TAF1B: variants seen among roughly 807,000 people sequenced by gnomAD.
TAF1B encodes the protein TATA box-binding protein-associated factor RNA polymerase I subunit B.
A neutral mutation model predicts 83.9 loss-of-function variants in TAF1B; 61 were observed. The observed-to-expected ratio is 0.73, with a 90% CI of 0.59 to 0.90. The LOEUF (loss-of-function observed/expected upper bound fraction) is 0.90, where lower values mean the gene tolerates loss of function less well. Ranked by LOEUF, TAF1B falls within the 40% of genes least tolerant of loss-of-function variation. The pLI, the probability that TAF1B is intolerant of heterozygous loss-of-function variation, is 0.00. For missense variants in TAF1B, 625 were observed against 677.0 expected, an observed-to-expected ratio of 0.92 and a Z score of 0.85; for synonymous variants, 221 against 224.6, an observed-to-expected ratio of 0.98 and a Z score of 0.14.
At chr2:9,855,014 G>C (rs545811646) in intron 5 of TAF1B, among the ~76,000 whole-genome samples, 1 of 151,832 alleles carries the variant, frequency 6.6e-6, no homozygotes, top group Admixed American at 6.6e-5. Flanking sequence ...TTTTTTTTGA[G>C]ACGGAGTTTC....
intron 7 of TAF1B, among the ~76,000 whole-genome samples, chr2:9,880,201 T>G (rs565706129): frequency 1.3e-5 from 2 of 152,250 alleles, no homozygotes; most frequent in Admixed American, 6.5e-5. Context: ...AAGGATGAGT[T>G]TACTAAATTT....
intron 8 of TAF1B, among the ~76,000 whole-genome samples, chr2:9,893,234 CCTAT>C (rs567927797): frequency 1.9e-3 from 288 of 152,236 alleles, no homozygotes; most frequent in Non-Finnish European, 2.4e-3. Context: ...TGCCATTTTT[CCTAT>C]CTGTCTACCT....
At chr2:9,889,319 A>C (rs116046092) in intron 8 of TAF1B, among the ~76,000 whole-genome samples, 178 of 151,650 alleles carry the variant, frequency 1.2e-3, no homozygotes, top group African/African-American at 3.9e-3. Context: ...TTGTTTTGAT[A>C]ATTTCTATTG....
intron 5 of TAF1B, among the ~76,000 whole-genome samples, chr2:9,866,104 A>C (rs554522271): frequency 1.1e-3 from 165 of 150,630 alleles, no homozygotes; most frequent in African/African-American, 3.9e-3. Context: ...ATTAAACTAA[A>C]GAGCTTCTGC....
intron 9 of TAF1B, 41 bp downstream of exon 9, chr2:9,905,047 A>T: frequency 6.5e-7 from 1 of 1,549,516 alleles, no homozygotes; most frequent in Non-Finnish European, 8.9e-7. Context: ...TTTAACTAGT[A>T]GAGTAATAAT....
chr2:9,855,967 ATCTATAGTTAC>A (rs928078462), intron 5 of TAF1B, among the ~76,000 whole-genome samples: 7 of 152,194 alleles, frequency 4.6e-5, no homozygotes, highest in Non-Finnish European at 8.8e-5. Flanking sequence ...GTAAGGGACC[ATCTATAGTTAC>A]TCTTCATATG....
At chr2:9,896,556 T>C (rs1003030185) in intron 8 of TAF1B, among the ~76,000 whole-genome samples, 29 of 150,164 alleles carry the variant, frequency 1.9e-4, no homozygotes, top group African/African-American at 7.2e-4. Flanking sequence ...GGGACTGTTT[T>C]CCTTCTGTGT....
At chr2:9,851,454 A>G (rs1663388445) in intron 3 of TAF1B, 87 bp from the exon 4 acceptor site, 4 of 1,047,734 alleles carry the variant, frequency 3.8e-6, no homozygotes, top group East Asian at 2.5e-5. Context: ...TCAAGTCGCA[A>G]TGTGTAAAAC....
chr2:9,896,413 C>T (rs1250710296), intron 8 of TAF1B, among the ~76,000 whole-genome samples: 1 of 152,100 alleles, frequency 6.6e-6, no homozygotes, highest in East Asian at 1.9e-4. Flanking sequence ...TTCCCCCCTT[C>T]CATGCCTTAG....
At chr2:9,910,099 A>G (rs1332652476) in intron 9 of TAF1B, among the ~76,000 whole-genome samples, 2 of 152,192 alleles carry the variant, frequency 1.3e-5, no homozygotes, top group Non-Finnish European at 2.9e-5. Flanking sequence ...TTCAAAGTCT[A>G]TTCACTTGAA....
At chr2:9,911,641 G>A in intron 11 of TAF1B, 84 bp downstream of exon 11, 1 of 944,276 alleles carries the variant, frequency 1.1e-6, no homozygotes, top group Middle Eastern at 2.4e-4. Context: ...AAACAACTTT[G>A]AAAAATACAC....
intron 14 of TAF1B, among the ~76,000 whole-genome samples, chr2:9,921,883 A>G (rs574745333): frequency 1.3e-5 from 2 of 152,344 alleles, no homozygotes; most frequent in South Asian, 2.1e-4. Flanking sequence ...AGGCCATTCA[A>G]TAAAATAGTT....
chr2:9,912,813 A>G (rs1345914861), intron 11 of TAF1B, among the ~76,000 whole-genome samples: 1 of 152,210 alleles, frequency 6.6e-6, no homozygotes, highest in Non-Finnish European at 1.5e-5. Context: ...CTGTTCTTAC[A>G]GTTCTTTCGG....
intron 5 of TAF1B, among the ~76,000 whole-genome samples, chr2:9,856,982 C>G (rs957344278): frequency 6.6e-6 from 1 of 152,084 alleles, no homozygotes; most frequent in Non-Finnish European, 1.5e-5. Context: ...AGGCCTGGTC[C>G]CTGCTTTTGA....
Position 9,933,883 on chromosome 2 carries a change from C to A in TAF1B, c.1666C>A (p.Leu556Ile), listed in dbSNP as rs111442552. ...CTTCCTGCTCAGAATAAAGACTTCC[C>A]TTCTCCATGAAGAAGTGAGCTTAGT... ...FSFLLRIKTSLLHEEVSLVEK... is the reference protein window; with the variant it reads ...FSFLLRIKTSILHEEVSLVEK... Residue 556 changes from leucine to isoleucine, a missense_variant, in exon 15 of 15, where the codon CTT becomes ATT. By Grantham distance (5) the Leu-to-Ile change is conservative (BLOSUM62 2). Coordinates refer to ENST00000263663, the MANE Select transcript of TAF1B (RefSeq NM_005680.3). 2.0e-3 allele frequency: 3,212 copies of A among 1,613,668 alleles called. 33 individuals carry two copies. In the Middle Eastern group the frequency reaches 0.021, roughly 10 times the overall value.
rs964091274 is a variant in TAF1B at position 9,933,895 on chromosome 2, G to A, written c.1678G>A (p.Glu560Lys). ...AATAAAGACTTCCCTTCTCCATGAAGAAGTGAGCTTAGTTGAGAAGAAACT... is the reference window on the plus strand; with the variant it reads ...AATAAAGACTTCCCTTCTCCATGAAAAAGTGAGCTTAGTTGAGAAGAAACT... Reference protein sequence around the residue: ...LRIKTSLLHEEVSLVEKKLFE... With the variant: ...LRIKTSLLHEKVSLVEKKLFE... Residue 560 changes from glutamate (E) to lysine (K), a missense_variant, in exon 15 of 15, where the codon GAA becomes AAA. By Grantham distance (56) the Glu-to-Lys change is moderately conservative. Transcript: ENST00000263663. 31 of 1,613,646 alleles carry A rather than the reference G, an allele frequency of 1.9e-5. No homozygotes were observed. The highest frequency in any genetic ancestry group is 8.0e-5 in the African/African-American group (6 of 74,878).
intron 2 of TAF1B, among the ~76,000 whole-genome samples, chr2:9,848,210 T>G (rs1663270528): frequency 6.6e-6 from 1 of 152,196 alleles, no homozygotes; most frequent in Non-Finnish European, 1.5e-5. Context: ...TGAATATGGT[T>G]TCTGTGATTA....
rs536557345 is a variant in TAF1B, at chr2:9,907,488, G to A, written c.955+2482G>A. ...TTTTAAACATGCTGAGACAATAGCC[G>A]CCCCTCCTCAACGCCTTTAAAGGTG... On this transcript the variant is annotated intron_variant, in intron 9 of 14. Coordinates refer to ENST00000263663, the MANE Select transcript of TAF1B (RefSeq NM_005680.3). Among the ~76,000 whole-genome samples the A allele has an allele frequency of 8.5e-5, 13 of 152,086 alleles. No homozygotes were observed. In the East Asian group the frequency reaches 2.3e-3, roughly 27 times the overall value.
chr2:9,855,003 T>G (rs945014485), intron 5 of TAF1B, among the ~76,000 whole-genome samples: 9 of 88,142 alleles, frequency 1.0e-4, no homozygotes, highest in African/African-American at 2.5e-4. Flanking sequence ...ATTTGTTTGG[T>G]TTTTTTTTGA....
Sources: allele counts gnomAD v4.1 joint callset (sites outside exome capture counted in the v4.1 genomes callset), GRCh38; gene constraint gnomAD v4.1.1; transcripts MANE v1.5; gene names NCBI Gene and HGNC (gene_info 2026-07-23, HGNC 2026-07-21).